EFCAB11: variants seen among roughly 807,000 people sequenced by gnomAD.
The protein encoded by EFCAB11 is EF-hand calcium-binding domain-containing protein 11.
In EFCAB11, 14 loss-of-function variants were observed where a neutral mutation model predicts 23.0. The ratio of observed to expected loss-of-function variants is 0.61; its 90% confidence interval spans 0.40 to 0.95. The LOEUF (loss-of-function observed/expected upper bound fraction) is 0.95, where lower values mean the gene tolerates loss of function less well. EFCAB11 is among the 40% of genes least tolerant of loss of function. The pLI, the probability that EFCAB11 is intolerant of heterozygous loss-of-function variation, is 0.00. For missense variants in EFCAB11, 198 were observed against 195.8 expected (o/e 1.01, Z -0.07); for synonymous variants, 65 against 66.6 (o/e 0.98, Z 0.11).
intron 5 of EFCAB11, among the ~76,000 whole-genome samples, chr14:89,825,644 CTA>C (rs1388487294): frequency 6.6e-6 from 1 of 151,762 alleles, no homozygotes; most frequent in Admixed American, 6.6e-5. Flanking sequence ...AAGTTAGAGC[CTA>C]GAGTCATTAA....
intron 5 of EFCAB11, among the ~76,000 whole-genome samples, chr14:89,904,085 G>A (rs1188112435): frequency 2.6e-5 from 4 of 151,886 alleles, no homozygotes; most frequent in Middle Eastern, 3.4e-3. Flanking sequence ...CCATCAACTC[G>A]TCATTTACAT....
chr14:89,876,658 G>A (rs1404286006), intron 5 of EFCAB11, among the ~76,000 whole-genome samples: 1 of 152,218 alleles, frequency 6.6e-6, no homozygotes, highest in African/African-American at 2.4e-5. Flanking sequence ...TCAAGGAAGA[G>A]TTGAAGAGAA....
At chr14:89,817,625 G>A (rs1052607058) in intron 5 of EFCAB11, among the ~76,000 whole-genome samples, 15 of 152,032 alleles carry the variant, frequency 9.9e-5, no homozygotes, top group Non-Finnish European at 2.1e-4. Flanking sequence ...AAAGGTAGAC[G>A]AAAATAATAA....
chr14:89,905,678 A>G (rs763724408), intron 5 of EFCAB11, among the ~76,000 whole-genome samples: 9 of 152,192 alleles, frequency 5.9e-5, no homozygotes, highest in Non-Finnish European at 1.0e-4. Context: ...GGAGAGAAGT[A>G]ACAGGAAAAA....
At chr14:89,895,909 C>T (rs1202930352) in intron 5 of EFCAB11, among the ~76,000 whole-genome samples, 1 of 152,008 alleles carries the variant, frequency 6.6e-6, no homozygotes, top group Non-Finnish European at 1.5e-5. Flanking sequence ...ACTGAGAACA[C>T]ATATAAAGAA....
At position 89,842,211 on chromosome 14, in the gene EFCAB11, C is replaced by T. The variant is rs536818867; in HGVS notation, c.411-44887G>A. Among the ~76,000 whole-genome samples, 6 of 152,364 alleles carry T rather than the reference C, an allele frequency of 3.9e-5. No individual in the cohort carries two copies. In the East Asian group the frequency reaches 1.2e-3, roughly 29 times the overall value. ...AGCCATATCCTAGTCCAGGTTCCATCAGCTCTCTGATTGCCACAATGACCC... is the reference window on the plus strand; with the variant it reads ...AGCCATATCCTAGTCCAGGTTCCATTAGCTCTCTGATTGCCACAATGACCC... On this transcript the variant is annotated intron_variant, in intron 5 of 5. Transcript: ENST00000316738.
intron 5 of EFCAB11, among the ~76,000 whole-genome samples, chr14:89,827,112 G>T (rs1427086713): frequency 6.6e-6 from 1 of 152,140 alleles, no homozygotes; most frequent in Non-Finnish European, 1.5e-5. Context: ...GAACAAAAAA[G>T]GCAAAAGAGG....
intron 5 of EFCAB11, among the ~76,000 whole-genome samples, chr14:89,806,493 C>T (rs928894795): frequency 6.6e-6 from 1 of 152,182 alleles, no homozygotes; most frequent in Non-Finnish European, 1.5e-5. Flanking sequence ...CAGCACAGAT[C>T]AGACAGTTTT....
At chr14:89,816,400 T>C (rs1409962350) in intron 5 of EFCAB11, among the ~76,000 whole-genome samples, 1 of 152,184 alleles carries the variant, frequency 6.6e-6, no homozygotes, top group Admixed American at 6.5e-5. Context: ...CTTTGAAACA[T>C]TAGAGCAAAA....
intron 5 of EFCAB11, among the ~76,000 whole-genome samples, chr14:89,866,867 A>G (rs1396224329): frequency 6.6e-6 from 1 of 152,140 alleles, no homozygotes; most frequent in African/African-American, 2.4e-5. Context: ...CAGTGGCACA[A>G]TCTTGGCCCA....
intron 5 of EFCAB11, among the ~76,000 whole-genome samples, chr14:89,868,143 C>A (rs1888155166): frequency 6.6e-6 from 1 of 152,174 alleles, no homozygotes; most frequent in African/African-American, 2.4e-5. Flanking sequence ...CAGGGGAAAA[C>A]CCTGAACTAA....
At chr14:89,884,399 A>G (rs1440628342) in intron 5 of EFCAB11, among the ~76,000 whole-genome samples, 1 of 152,180 alleles carries the variant, frequency 6.6e-6, no homozygotes, top group Non-Finnish European at 1.5e-5. Flanking sequence ...AAGGTTATTT[A>G]TCCCCTAAAA....
In EFCAB11 at chr14:89,886,556, T is replaced by G. The variant is rs532645974; in HGVS notation, c.410+44985A>C. On this transcript the variant is annotated intron_variant, in intron 5 of 5. Transcript: ENST00000316738. ...AAAAAAAAAAAAAAGGAAAGTGATCTGCTTTACTCAAGATCTACTGATTTA... is the reference window on the plus strand; with the variant it reads ...AAAAAAAAAAAAAAGGAAAGTGATCGGCTTTACTCAAGATCTACTGATTTA... Among the ~76,000 whole-genome samples, 292 of 150,788 alleles carry G rather than the reference T, an allele frequency of 1.9e-3. 3 individuals are homozygous for G. Among genetic ancestry groups the G allele is most frequent in the South Asian group, 8.0e-3 (38 of 4,748 alleles).
At chr14:89,801,809 C>A (rs1440857920) in intron 5 of EFCAB11, among the ~76,000 whole-genome samples, 1 of 152,098 alleles carries the variant, frequency 6.6e-6, no homozygotes, top group Non-Finnish European at 1.5e-5. Context: ...GCCTGGGCAA[C>A]ATGGTGAAAC....
chr14:89,875,802 T>C (rs1004064559), intron 5 of EFCAB11, among the ~76,000 whole-genome samples: 2 of 151,966 alleles, frequency 1.3e-5, no homozygotes, highest in African/African-American at 4.8e-5. Context: ...GTCCTCCATG[T>C]GGGAGTGGAG....
intron 5 of EFCAB11, among the ~76,000 whole-genome samples, chr14:89,913,289 T>G (rs1051959885): frequency 3.9e-5 from 6 of 152,214 alleles, no homozygotes; most frequent in African/African-American, 1.4e-4. Flanking sequence ...ATACTCCATA[T>G]TTAGCATGAA....
intron 5 of EFCAB11, among the ~76,000 whole-genome samples, chr14:89,855,788 C>T (rs1467014640): frequency 1.3e-5 from 2 of 152,128 alleles, no homozygotes; most frequent in Non-Finnish European, 1.5e-5. Context: ...TCCTGGCATG[C>T]CCCCACAGCC....
At chr14:89,868,379 C>T (rs1888162458) in intron 5 of EFCAB11, among the ~76,000 whole-genome samples, 1 of 152,096 alleles carries the variant, frequency 6.6e-6, no homozygotes, top group Admixed American at 6.5e-5. Flanking sequence ...CTATGTGGTC[C>T]TCAGAAAGAG....
intron 5 of EFCAB11, among the ~76,000 whole-genome samples, chr14:89,902,600 T>G (rs1889374790): frequency 6.6e-6 from 1 of 152,220 alleles, no homozygotes; most frequent in Admixed American, 6.5e-5. Flanking sequence ...CTATTTTATC[T>G]AATTCATATT....
Sources: allele counts gnomAD v4.1 joint callset (sites outside exome capture counted in the v4.1 genomes callset), GRCh38; gene constraint gnomAD v4.1.1; transcripts MANE v1.5; gene names NCBI Gene and HGNC (gene_info 2026-07-23, HGNC 2026-07-21).